Variants in MFF observed in about 807,000 individuals in gnomAD.
The protein encoded by MFF is mitochondrial fission factor.
MFF carries 12 observed loss-of-function variants against 36.9 expected under a neutral mutation model. The ratio of observed to expected loss-of-function variants is 0.33; its 90% CI spans 0.21 to 0.53. The LOEUF (loss-of-function observed/expected upper bound fraction) is 0.53, where lower values mean the gene tolerates loss of function less well. Ranked by LOEUF, MFF falls within the 20% of genes least tolerant of loss-of-function variation. The pLI, the probability that MFF is intolerant of heterozygous loss-of-function variation, is 0.95. For synonymous variants in MFF, 99 were observed against 126.2 expected (o/e 0.78, Z 1.44); for missense variants, 348 against 366.6 (o/e 0.95, Z 0.42).
intron 3 of MFF, among the ~76,000 whole-genome samples, 160 bp downstream of exon 3, chr2:227,331,006 CAG>C (rs1373861603): frequency 1.3e-5 from 2 of 152,232 alleles, no homozygotes; most frequent in Non-Finnish European, 2.9e-5. Context: ...GAATTGCAAA[CAG>C]TATTTTTTAG....
At chr2:227,339,632 A>G (rs2075274895) in intron 4 of MFF, among the ~76,000 whole-genome samples, 1 of 152,218 alleles carries the variant, frequency 6.6e-6, no homozygotes, top group Admixed American at 6.5e-5. Context: ...GAAAGGCAGA[A>G]GCTGTACTGT....
At chr2:227,331,770 T>C (rs2074585812) in intron 3 of MFF, among the ~76,000 whole-genome samples, 1 of 152,200 alleles carries the variant, frequency 6.6e-6, no homozygotes, top group African/African-American at 2.4e-5. Flanking sequence ...GCTCATGTGC[T>C]TTTTGTCCAT....
At chr2:227,340,668 T>C in intron 5 of MFF, 1 of 222,452 alleles carries the variant, frequency 4.5e-6, no homozygotes, top group Non-Finnish European at 8.9e-6. Context: ...TGTTAAACAG[T>C]GTAGCAAGAC....
In MFF at chr2:227,356,200, T is replaced by C. The variant is rs148533862; in HGVS notation, c.744+439T>C. ...AGTTGCACATGCATATTTTTTAATA[T>C]GTACTCCCACAGCCTCGAGTATCAC... On this transcript the variant is annotated intron_variant, in intron 8 of 8. Transcript: ENST00000304593. Among the ~76,000 whole-genome samples the C allele has an allele frequency of 4.6e-3, 703 of 152,340 alleles. 7 individuals carry two copies. Among genetic ancestry groups the C allele is most frequent in the African/African-American group, 0.016 (655 of 41,580 alleles).
intron 7 of MFF, among the ~76,000 whole-genome samples, chr2:227,353,563 A>G (rs964310311): frequency 4.6e-5 from 7 of 152,142 alleles, no homozygotes; most frequent in African/African-American, 1.4e-4. Flanking sequence ...GTTTTCCCTT[A>G]TATTTTTCTC....
intron 6 of MFF, among the ~76,000 whole-genome samples, chr2:227,348,707 G>A (rs1310902514): frequency 2.0e-5 from 3 of 152,114 alleles, no homozygotes; most frequent in Non-Finnish European, 4.4e-5. Context: ...CTGCATGATG[G>A]CCTTGAACAA....
chr2:227,353,787 T>TA lies in MFF; in HGVS notation c.659+1216dup, dbSNP rs1176719218. Among the ~76,000 whole-genome samples the TA allele has an allele frequency of 2.6e-5, 4 of 152,366 alleles. No individual in the cohort carries two copies. The East Asian group carries it at 7.7e-4, about 29-fold the overall frequency. On this transcript the variant is annotated intron_variant, in intron 7 of 8. Transcript: ENST00000304593. Reference sequence around the variant, plus strand: ...AGATTTCAGATATCTAAACCTTAGTTAATTCAGGATATAAATTGTGAGTAA... The same window carrying TA: ...AGATTTCAGATATCTAAACCTTAGTTAAATTCAGGATATAAATTGTGAGTAA...
At chr2:227,329,600 T>G (rs2074419953) in intron 2 of MFF, 1 of 532,354 alleles carries the variant, frequency 1.9e-6, no homozygotes, top group African/African-American at 3.3e-5. Context: ...TCTTTCTTTT[T>G]TACAGCTGGA....
chr2:227,344,484 G>A lies in MFF; in HGVS notation c.441-2742G>A, dbSNP rs562970523. On this transcript the variant is annotated intron_variant, in intron 5 of 8. Transcript: ENST00000304593. The stretch of plus-strand genomic sequence containing the variant: ...AGCTGTGGAGTACATTTTAGCTCCT[G>A]TCAAACTGATTGCTAAAATGGAGCT... Among the ~76,000 whole-genome samples, 14 of 152,266 alleles carry A rather than the reference G, an allele frequency of 9.2e-5. No homozygotes were observed. The South Asian group carries it at 2.7e-3, about 29-fold the overall frequency.
At chr2:227,339,313 A>G (rs2075253537) in intron 4 of MFF, among the ~76,000 whole-genome samples, 1 of 152,210 alleles carries the variant, frequency 6.6e-6, no homozygotes, top group Non-Finnish European at 1.5e-5. Context: ...CTTAAAACAA[A>G]CAAGCCTATG....
intron 1 of MFF, among the ~76,000 whole-genome samples, chr2:227,326,441 C>G (rs2074141658): frequency 6.6e-6 from 1 of 152,090 alleles, no homozygotes; most frequent in Admixed American, 6.5e-5. Context: ...TAGTCTTTTC[C>G]CATGCAATTA....
At chr2:227,329,588 A>G (rs1452962376) in intron 2 of MFF, 1 of 611,638 alleles carries the variant, frequency 1.6e-6, no homozygotes, top group African/African-American at 1.9e-5. Flanking sequence ...ACTGATTTTT[A>G]TTCTTTCTTT....
chr2:227,337,816 A>C (rs2075119354), intron 4 of MFF, among the ~76,000 whole-genome samples: 1 of 152,178 alleles, frequency 6.6e-6, no homozygotes, highest in Non-Finnish European at 1.5e-5. Context: ...TGGGAAGCCG[A>C]AGTGGGTGGA....
intron 3 of MFF, among the ~76,000 whole-genome samples, chr2:227,331,056 T>G (rs1020403590): frequency 6.6e-6 from 1 of 152,208 alleles, no homozygotes; most frequent in African/African-American, 2.4e-5. Context: ...ACACATAAAA[T>G]GTATACATTT....
chr2:227,348,452 TAAG>T (rs1201514130), intron 6 of MFF, among the ~76,000 whole-genome samples: 2 of 152,098 alleles, frequency 1.3e-5, no homozygotes, highest in African/African-American at 2.4e-5. Flanking sequence ...AAAGCTGCAC[TAAG>T]AAGAGCTTAA....
chr2:227,349,674 T>C (rs964583276), intron 6 of MFF, among the ~76,000 whole-genome samples: 3 of 152,144 alleles, frequency 2.0e-5, no homozygotes, highest in African/African-American at 7.2e-5. Context: ...GAATTTTAAG[T>C]GCCAAATCAG....
intron 4 of MFF, among the ~76,000 whole-genome samples, chr2:227,333,589 T>A (rs893364205): frequency 6.6e-6 from 1 of 152,178 alleles, no homozygotes; most frequent in Non-Finnish European, 1.5e-5. Context: ...GTCTGTCTGG[T>A]TTCAGCAGGA....
chr2:227,328,288 C>T (rs1343460195), intron 1 of MFF, among the ~76,000 whole-genome samples: 4 of 121,336 alleles, frequency 3.3e-5, no homozygotes, highest in Non-Finnish European at 6.6e-5. Context: ...CAATCTAGCC[C>T]GGGTGACAAA....
chr2:227,329,538 C>T, intron 2 of MFF: 1 of 429,956 alleles, frequency 2.3e-6, no homozygotes, highest in Non-Finnish European at 4.1e-6. Context: ...TAGATATTTA[C>T]TTTTATTCAT....
Sources: allele counts gnomAD v4.1 joint callset (sites outside exome capture counted in the v4.1 genomes callset), GRCh38; gene constraint gnomAD v4.1.1; transcripts MANE v1.5; gene names NCBI Gene and HGNC (gene_info 2026-07-23, HGNC 2026-07-21).